The following DOCK8 variants were observed in gnomAD, a reference collection of about 807,000 sequenced individuals.
DOCK8 encodes dedicator of cytokinesis protein 8.
Under a neutral mutation model 245.6 loss-of-function variants are expected in DOCK8, and 141 were observed. The ratio of observed to expected loss-of-function variants is 0.57; its 90% confidence interval spans 0.50 to 0.66. The LOEUF is 0.66. Ranked by LOEUF, DOCK8 falls within the 30% of genes least tolerant of loss-of-function variation. The pLI, the probability that DOCK8 is intolerant of heterozygous loss-of-function variation, is 0.00. For synonymous variants in DOCK8, 1,168 were observed against 970.2 expected (o/e 1.20, Z -3.79); for missense variants, 2,965 against 2,603.4 (o/e 1.14, Z -3.02).
In DOCK8 at chr9:277,750, A is replaced by G. The variant is rs1279940391; in HGVS notation, c.156+6021A>G. Among the ~76,000 whole-genome samples the G allele has an allele frequency of 5.9e-5, 9 of 152,312 alleles. No individual in the cohort carries two copies. The East Asian group carries it at 1.7e-3, about 29-fold the overall frequency. On this transcript the variant is annotated intron_variant, in intron 2 of 47. Transcript: ENST00000432829. ...AATTAGCTGGACCATAACGGCTCTG[A>G]CTGAAGAAAAGGATGTAAAAAGCCA...
chr9:416,611 A>G (rs570728364), intron 29 of DOCK8, among the ~76,000 whole-genome samples: 1 of 152,340 alleles, frequency 6.6e-6, no homozygotes, highest in Non-Finnish European at 1.5e-5. Context: ...TGGAATCTTT[A>G]GGTTGATAAA....
chr9:361,964 C>A (rs999212646), intron 14 of DOCK8, among the ~76,000 whole-genome samples: 1 of 152,160 alleles, frequency 6.6e-6, no homozygotes, highest in African/African-American at 2.4e-5. Context: ...CCATTTCACT[C>A]ATCTCAGTGC....
chr9:411,255 A>G (rs921922422), intron 28 of DOCK8, among the ~76,000 whole-genome samples: 1 of 152,136 alleles, frequency 6.6e-6, no homozygotes, highest in Non-Finnish European at 1.5e-5. Flanking sequence ...TCTACTAAAA[A>G]TACAAAAATT....
rs576629373 is a variant in DOCK8, at chr9:349,105, G to A, written c.1679+8784G>A. Among the ~76,000 whole-genome samples, 20 of 152,276 alleles carry A rather than the reference G, an allele frequency of 1.3e-4. No individual in the cohort carries two copies. In the East Asian group the frequency reaches 3.5e-3, roughly 26 times the overall value. On this transcript the variant is annotated intron_variant, in intron 14 of 47. Transcript: ENST00000432829. ...AGATGCTGTGTCAGGGTTTCCCAAG[G>A]GAAGAAACTGAGTGGGAGGTGCAGG...
At chr9:263,016 A>G (rs7875992) in intron 1 of DOCK8, among the ~76,000 whole-genome samples, 4,186 of 152,196 alleles carry the variant, frequency 0.028, 79 homozygotes, top group South Asian at 0.048. Context: ...AGACCAGCCT[A>G]GCCAACGTGG....
chr9:399,930 A>G (rs984167403), intron 26 of DOCK8, among the ~76,000 whole-genome samples: 10 of 151,214 alleles, frequency 6.6e-5, no homozygotes, highest in Middle Eastern at 3.4e-3. Flanking sequence ...ACCACCAGCC[A>G]CCACCATTCT....
chr9:442,824 C>T (rs904379412), intron 42 of DOCK8, among the ~76,000 whole-genome samples: 1 of 151,268 alleles, frequency 6.6e-6, no homozygotes. Flanking sequence ...GAATTTGTGC[C>T]CTCCTATGAG....
At chr9:454,594 T>G (rs943234110) in intron 46 of DOCK8, 1 of 152,144 alleles carries the variant, frequency 6.6e-6, no homozygotes, top group Non-Finnish European at 1.5e-5. Context: ...AGCAGCGTGT[T>G]CTCATGAGCA....
chr9:387,475 T>C (rs1367902025), intron 23 of DOCK8, among the ~76,000 whole-genome samples: 2 of 151,080 alleles, frequency 1.3e-5, no homozygotes, highest in South Asian at 2.1e-4. Flanking sequence ...AGGGTAAATA[T>C]GCTTATTGCA....
intron 26 of DOCK8, among the ~76,000 whole-genome samples, chr9:401,912 C>G (rs1200931168): frequency 6.6e-6 from 1 of 152,188 alleles, no homozygotes; most frequent in Non-Finnish European, 1.5e-5. Flanking sequence ...CATCCCCATC[C>G]CATGCACCCT....
chr9:420,016 A>C (rs776840439), intron 30 of DOCK8: 42 of 316,134 alleles, frequency 1.3e-4, no homozygotes, highest in Non-Finnish European at 2.2e-4. Context: ...GCTGCCCAGC[A>C]CGAAGGAGAA....
In DOCK8 at chr9:220,204, G is replaced by C. The variant is rs572126347; in HGVS notation, c.53+5175G>C. On this transcript the variant is annotated intron_variant, in intron 1 of 47. Coordinates refer to ENST00000432829, the MANE Select transcript of DOCK8 (RefSeq NM_203447.4). Reference sequence around the variant, plus strand: ...CAGAATTTTTGGCCTTTCACATTTAGAATCGGTTCCTTCCAGATTCTTGGA... The same window carrying C: ...CAGAATTTTTGGCCTTTCACATTTACAATCGGTTCCTTCCAGATTCTTGGA... Among the ~76,000 whole-genome samples the C allele has an allele frequency of 3.9e-5, 6 of 152,252 alleles. No homozygotes were observed. The East Asian group carries it at 1.2e-3, about 29-fold the overall frequency.
At position 463,634 on chromosome 9, in the gene DOCK8, G is replaced by A. The variant is rs2057877910; in HGVS notation, c.6186G>A (p.Glu2062=). 6.2e-7 allele frequency: 1 copy of A among 1,613,778 alleles called. No individual in the cohort carries two copies. The highest frequency in any genetic ancestry group is 1.1e-5 in the South Asian group (1 of 91,080). ...AAGAGAACCTCAGGCCAATGATCGA[G>A]CGGAAAATTCCAGAACTGTACAAGC... ...KLKENLRPMI[E]RKIPELYKPI... The change falls in exon 47 of 48, where the codon GAG becomes GAA. Residue 2062 remains glutamate, a synonymous_variant. Transcript: ENST00000432829.
intron 1 of DOCK8, among the ~76,000 whole-genome samples, chr9:266,668 G>GA (rs1307541385): frequency 6.6e-6 from 1 of 152,048 alleles, no homozygotes; most frequent in Non-Finnish European, 1.5e-5. Context: ...CTGCTGATCT[G>GA]AAAAAAACAT....
chr9:263,055 A>C (rs1258103572), intron 1 of DOCK8, among the ~76,000 whole-genome samples: 1 of 152,132 alleles, frequency 6.6e-6, no homozygotes, highest in East Asian at 1.9e-4. Flanking sequence ...AAGAATACAA[A>C]AATGAGCCGG....
At chr9:339,516 G>GTTTGTT (rs1772877995) in intron 13 of DOCK8, among the ~76,000 whole-genome samples, 2 of 152,112 alleles carry the variant, frequency 1.3e-5, no homozygotes, top group East Asian at 3.9e-4. Flanking sequence ...GCCAGTTTGT[G>GTTTGTT]TTTGTTTTTG....
chr9:403,858 A>ATCTCTCTGTCTCTCTC lies in DOCK8; in HGVS notation c.3235-1053_3235-1052insGTCTCTCTCTCTCTCT, dbSNP rs1554693888. ...CCAGTTCAACAGAGCAAGACTCTGT[A>ATCTCTCTGTCTCTCTC]TCTCTCTCTCTCTCTCTCTCTCTCT... is the stretch of plus-strand genomic sequence containing the variant. On this transcript the variant is annotated intron_variant, in intron 26 of 47. Coordinates refer to ENST00000432829, the MANE Select transcript of DOCK8 (RefSeq NM_203447.4). 1.0e-3 allele frequency among the ~76,000 whole-genome samples: 85 copies of ATCTCTCTGTCTCTCTC among 83,906 alleles called. 2 individuals carry two copies. The highest frequency in any genetic ancestry group is 2.0e-3 in the Admixed American group (14 of 6,862). 55.0% of individuals were successfully genotyped at this position (83,906 alleles called of 152,430 possible).
chr9:281,847 A>G (rs940679587), intron 2 of DOCK8, among the ~76,000 whole-genome samples: 3 of 152,214 alleles, frequency 2.0e-5, no homozygotes, highest in Admixed American at 6.5e-5. Flanking sequence ...TTTACACCAC[A>G]TTTGGAATGA....
intron 1 of DOCK8, among the ~76,000 whole-genome samples, chr9:251,876 A>T (rs2047655740): frequency 6.6e-6 from 1 of 152,160 alleles, no homozygotes; most frequent in Non-Finnish European, 1.5e-5. Context: ...TACCTAAGTT[A>T]ATGGTGCATT....
Sources: gnomAD v4.1 joint callset for allele counts (sites outside exome capture counted in the v4.1 genomes callset) on GRCh38, gnomAD v4.1.1 for gene constraint, MANE v1.5 for transcripts, NCBI Gene and HGNC (gene_info 2026-07-23, HGNC 2026-07-21) for gene names.